The following PKM variants were observed in gnomAD, a reference collection of about 807,000 sequenced individuals.
PKM encodes pyruvate kinase PKM.
A neutral mutation model predicts 49.8 loss-of-function variants in PKM; 18 were observed. The ratio of observed to expected loss-of-function variants is 0.36; its 90% CI spans 0.25 to 0.54. The LOEUF is 0.54. Among genes scored for constraint, PKM ranks in the 20% least tolerant of loss-of-function variants. PKM has a pLI of 0.89. For synonymous variants in PKM, 239 were observed against 261.8 expected, an observed-to-expected ratio of 0.91 and a Z score of 0.84; for missense variants, 508 against 713.8, an observed-to-expected ratio of 0.71 and a Z score of 3.28.
chr15:72,206,620 G>T, intron 8 of PKM, 108 bp downstream of exon 8: 6 of 1,070,630 alleles, frequency 5.6e-6, no homozygotes, highest in Non-Finnish European at 8.5e-6. Context: ...GATAATGAAA[G>T]GCTGTGCATA....
intron 3 of PKM, among the ~76,000 whole-genome samples, chr15:72,210,985 G>C (rs1363254681): frequency 1.3e-5 from 2 of 151,996 alleles, no homozygotes; most frequent in Non-Finnish European, 2.9e-5. Flanking sequence ...ACGCAAACTT[G>C]AAGTTATTGA....
chr15:72,203,578 C>T (rs542419786), intron 8 of PKM: 127 of 308,894 alleles, frequency 4.1e-4, no homozygotes, highest in South Asian at 6.3e-4. Context: ...ACAGGCCCTC[C>T]CTCCTCACAT....
intron 8 of PKM, 69 bp downstream of exon 8, chr15:72,206,659 C>CA: frequency 6.8e-7 from 1 of 1,468,238 alleles, no homozygotes; most frequent in Non-Finnish European, 9.5e-7. Flanking sequence ...AAAAGCTCTG[C>CA]ACCAGAGCTT....
At chr15:72,214,097 T>C (rs1165900986) in intron 3 of PKM, among the ~76,000 whole-genome samples, 1 of 152,240 alleles carries the variant, frequency 6.6e-6, no homozygotes, top group Non-Finnish European at 1.5e-5. Flanking sequence ...GAGTTAAATA[T>C]TTATTTCATC....
Position 72,231,122 on chromosome 15 carries a change from C to A in PKM, c.-20G>T. ...AGCCTCCTGCACCGCTCACCTCCGG[C>A]GCTGACCGACTCGGGCTACGCTGCA... On this transcript the variant is annotated 5_prime_UTR_variant, in exon 1 of 11. Transcript: ENST00000335181. 1 of 348,376 alleles carries A rather than the reference C, an allele frequency of 2.9e-6. No individual in the cohort carries two copies. Among genetic ancestry groups the A allele is most frequent in the South Asian group, 2.1e-5 (1 of 46,582 alleles). 21.6% of individuals were successfully genotyped at this position (348,376 alleles called of 1,614,324 possible).
intron 1 of PKM, chr15:72,222,456 T>G (rs2082551639): frequency 6.6e-6 from 1 of 152,138 alleles, no homozygotes; most frequent in Admixed American, 6.6e-5. Context: ...GTACCTAGAG[T>G]TGTATGTAAA....
chr15:72,225,444 A>C (rs1186823380), intron 1 of PKM, among the ~76,000 whole-genome samples: 1 of 152,010 alleles, frequency 6.6e-6, no homozygotes, highest in Non-Finnish European at 1.5e-5. Flanking sequence ...AGCCTCTCAA[A>C]GTGCTGGGAT....
intron 1 of PKM, chr15:72,229,733 G>A: frequency 3.4e-6 from 4 of 1,174,778 alleles, no homozygotes; most frequent in Non-Finnish European, 4.4e-6. Flanking sequence ...GGTGGGCTAT[G>A]ACTCGTCTAG....
rs1664243658 is a variant in PKM at position 72,202,066 on chromosome 15, A to C, written c.1307+388T>G. ...ATGGAGGCACAGTAAACAGCATTTAAATAAATTCATTTCCCAACTGAAATT... is the reference window on the plus strand; with the variant it reads ...ATGGAGGCACAGTAAACAGCATTTACATAAATTCATTTCCCAACTGAAATT... On this transcript the variant is annotated intron_variant, in intron 9 of 10. Transcript: ENST00000335181. The surrounding 1 kb of genome is among the most constrained non-coding windows in gnomAD (Gnocchi z 4.5). The C allele has an allele frequency of 3.5e-6, 1 of 288,588 alleles. No homozygotes were observed. Among genetic ancestry groups the C allele is most frequent in the South Asian group, 3.3e-5 (1 of 29,968 alleles). 17.9% of individuals were successfully genotyped at this position (288,588 alleles called of 1,614,324 possible).
chr15:72,208,029 AG>A (rs780986176), intron 6 of PKM, among the ~76,000 whole-genome samples: 4 of 152,168 alleles, frequency 2.6e-5, no homozygotes, highest in Non-Finnish European at 4.4e-5. Flanking sequence ...AGCATTGGGG[AG>A]GGGGTAAGCT....
At chr15:72,215,553 T>C (rs907762661) in intron 3 of PKM, among the ~76,000 whole-genome samples, 1 of 152,166 alleles carries the variant, frequency 6.6e-6, no homozygotes, top group African/African-American at 2.4e-5. Context: ...TTAATTATAA[T>C]CTGGGAATAG....
chr15:72,210,263 C>T (rs932085234), intron 4 of PKM, 84 bp downstream of exon 4: 9 of 1,461,148 alleles, frequency 6.2e-6, no homozygotes, highest in Non-Finnish European at 8.6e-6. Flanking sequence ...TGGGAAGAAA[C>T]ATGGCAACCC....
intron 1 of PKM, among the ~76,000 whole-genome samples, chr15:72,219,594 G>A (rs1220328796): frequency 1.3e-5 from 2 of 152,176 alleles, no homozygotes; most frequent in Admixed American, 6.5e-5. Flanking sequence ...TAGCTGCTTT[G>A]TCGTGGGGCA....
chr15:72,205,549 A>G (rs2082049964), intron 8 of PKM, among the ~76,000 whole-genome samples: 1 of 152,008 alleles, frequency 6.6e-6, no homozygotes, highest in Non-Finnish European at 1.5e-5. Flanking sequence ...CTCTTCTCTG[A>G]AAGCTGTTTA....
chr15:72,207,292 T>TG lies in PKM; in HGVS notation c.837-16dup, dbSNP rs749030430. On this transcript the variant is annotated splice_polypyrimidine_tract_variant and intron_variant, in intron 6 of 10. Transcript: ENST00000335181. ...TTTCATCAAACCTGATGGACAAAGT[T>TG]GGGGGGAGAGAGGTTATATAGAACA... 1.9e-6 allele frequency: 3 copies of TG among 1,613,442 alleles called. No homozygotes were observed. The highest frequency in any genetic ancestry group is 4.5e-5 in the East Asian group (2 of 44,878).
chr15:72,230,172 C>T (rs987152172), intron 1 of PKM, among the ~76,000 whole-genome samples: 10 of 152,202 alleles, frequency 6.6e-5, no homozygotes, highest in Admixed American at 5.2e-4. Context: ...CGAGCCATTC[C>T]CAGGCCCTCG....
At chr15:72,206,967 A>T (rs1332893169) in intron 7 of PKM, 87 bp from the exon 8 acceptor site, 1 of 1,518,728 alleles carries the variant, frequency 6.6e-7, no homozygotes, top group East Asian at 2.3e-5. Context: ...GATAGTGAGT[A>T]GGTACACAGA....
At position 72,199,715 on chromosome 15, in the gene PKM, CA is replaced by C; in HGVS notation, c.1530del (p.Ile510MetfsTer3). ...GAGCCAGGGCGCCATCCGGTCAGCACAATGACCACATCTCCCTTCTTGAAGA... is the reference window on the plus strand; with the variant it reads ...GAGCCAGGGCGCCATCCGGTCAGCACATGACCACATCTCCCTTCTTGAAGA... ...RGFFKKGDVV[I>X]VLTGWRPGSG... On this transcript the variant is annotated frameshift_variant, in exon 11 of 11. Coordinates refer to ENST00000335181, the MANE Select transcript of PKM (RefSeq NM_002654.6). LOFTEE classifies it high-confidence loss of function. 6.2e-7 allele frequency: 1 copy of C among 1,614,016 alleles called. No homozygotes were observed. Among genetic ancestry groups the C allele is most frequent in the Non-Finnish European group, 8.5e-7 (1 of 1,179,906 alleles).
intron 3 of PKM, among the ~76,000 whole-genome samples, chr15:72,214,009 T>C (rs998878673): frequency 6.6e-6 from 1 of 152,268 alleles, no homozygotes; most frequent in African/African-American, 2.4e-5. Context: ...CTGTCAAATT[T>C]ATTTTCATTT....
Sources: gnomAD v4.1 joint callset for allele counts (sites outside exome capture counted in the v4.1 genomes callset) on GRCh38, gnomAD v4.1.1 for gene constraint, Gnocchi (gnomAD v3.1) non-coding constraint, MANE v1.5 for transcripts, NCBI Gene and HGNC (gene_info 2026-07-23, HGNC 2026-07-21) for gene names.